The following ABCA13 variants were observed in gnomAD, a reference collection of about 807,000 sequenced individuals.
ABCA13 encodes ATP-binding cassette sub-family A member 13.
ABCA13 carries 476 observed loss-of-function variants against 478.7 expected under a neutral mutation model. That is an observed-to-expected ratio of 0.99 (90% CI 0.92 to 1.07). The LOEUF (loss-of-function observed/expected upper bound fraction) is 1.07. Ranked by LOEUF, ABCA13 falls within the 50% of genes least tolerant of loss-of-function variation. The pLI is 0.00. For synonymous variants in ABCA13, 2,252 were observed against 2,158.9 expected (o/e 1.04, Z -1.20); for missense variants, 6,060 against 5,910.6 (o/e 1.03, Z -0.83).
At position 48,276,503 on chromosome 7, in the gene ABCA13, T is replaced by C; in HGVS notation, c.6837T>C (p.Asp2279=). 2 of 1,611,118 alleles carry C rather than the reference T, an allele frequency of 1.2e-6. No homozygotes were observed. The highest frequency in any genetic ancestry group is 1.7e-6 in the Non-Finnish European group (2 of 1,179,178). ...KTFFSLFLKE[D]SENKISLLLK... ...TCTTCTCCCTTTTTCTAAAGGAAGA[T>C]TCTGAGAACAAAATATCTCTTCTGC... The change falls in exon 17 of 62, where the codon GAT becomes GAC. Residue 2279 remains aspartate, a synonymous_variant. Transcript: ENST00000435803.
intron 41 of ABCA13, among the ~76,000 whole-genome samples, chr7:48,423,430 A>AC (rs1356655125): frequency 2.0e-5 from 3 of 152,186 alleles, no homozygotes; most frequent in African/African-American, 7.2e-5. Flanking sequence ...CCTTGCACTG[A>AC]CCATCTCCAG....
Position 48,245,561 on chromosome 7 carries a change from A to G in ABCA13, c.1440A>G (p.Glu480=). The G allele has an allele frequency of 6.2e-7, 1 of 1,613,376 alleles. No homozygotes were observed. Among genetic ancestry groups the G allele is most frequent in the Non-Finnish European group, 8.5e-7 (1 of 1,179,708 alleles). The change falls in exon 12 of 62, where the codon GAA becomes GAG. Residue 480 remains glutamate, a synonymous_variant. Coordinates refer to ENST00000435803, the MANE Select transcript of ABCA13 (RefSeq NM_152701.5). ...ETSANDFKWF[E]LNQLKLEKDV... ...CAGCTAATGATTTTAAATGGTTTGAACTTAACCAATTGAAACTGGAAAAGG... is the reference window on the plus strand; with the variant it reads ...CAGCTAATGATTTTAAATGGTTTGAGCTTAACCAATTGAAACTGGAAAAGG...
At chr7:48,262,339 T>G (rs1794305775) in intron 15 of ABCA13, among the ~76,000 whole-genome samples, 1 of 151,850 alleles carries the variant, frequency 6.6e-6, no homozygotes, top group Non-Finnish European at 1.5e-5. Flanking sequence ...TCATTCTTGC[T>G]CAAAATTTTA....
chr7:48,577,796 A>G (rs1363389907), intron 55 of ABCA13, among the ~76,000 whole-genome samples: 2 of 152,176 alleles, frequency 1.3e-5, no homozygotes, highest in South Asian at 4.1e-4. Flanking sequence ...ATAGCCTAGT[A>G]TCTCTTATGA....
intron 3 of ABCA13, among the ~76,000 whole-genome samples, chr7:48,212,422 A>G (rs1397354069): frequency 6.6e-6 from 1 of 152,188 alleles, no homozygotes; most frequent in Admixed American, 6.5e-5. Flanking sequence ...TGTGTGGACA[A>G]ATATTTTAAT....
chr7:48,571,021 T>C (rs1400897833), intron 55 of ABCA13, among the ~76,000 whole-genome samples: 1 of 152,180 alleles, frequency 6.6e-6, no homozygotes, highest in African/African-American at 2.4e-5. Context: ...ACATCTTGAG[T>C]TAAAATTCTC....
Position 48,222,090 on chromosome 7 carries a change from A to G in ABCA13, c.468+781A>G, listed in dbSNP as rs575599756. Among the ~76,000 whole-genome samples the G allele has an allele frequency of 5.9e-5, 9 of 152,330 alleles. No individual in the cohort carries two copies. The South Asian group carries it at 1.9e-3, about 32-fold the overall frequency. ...CATAAAACCATTAGGAGAAAAGTAA[A>G]AGAATAGGGGCCAGCTAATGGATTG... On this transcript the variant is annotated intron_variant, in intron 5 of 61. Coordinates refer to ENST00000435803, the MANE Select transcript of ABCA13 (RefSeq NM_152701.5).
intron 17 of ABCA13, among the ~76,000 whole-genome samples, chr7:48,277,226 A>C (rs1323582214): frequency 6.6e-6 from 1 of 152,184 alleles, no homozygotes; most frequent in Non-Finnish European, 1.5e-5. Context: ...TCAGGAAGGG[A>C]GGCCCACAGT....
chr7:48,393,262 A>G (rs921876344), intron 38 of ABCA13, among the ~76,000 whole-genome samples: 1 of 152,230 alleles, frequency 6.6e-6, no homozygotes. Context: ...TTCAGCAAAC[A>G]GTGGTAGTTA....
intron 57 of ABCA13, among the ~76,000 whole-genome samples, chr7:48,591,544 G>A (rs1789746037): frequency 6.6e-6 from 1 of 151,956 alleles, no homozygotes; most frequent in Admixed American, 6.6e-5. Flanking sequence ...GAATAGCACT[G>A]AGTCTGTAGA....
intron 2 of ABCA13, among the ~76,000 whole-genome samples, chr7:48,197,351 C>T (rs1032720794): frequency 3.3e-5 from 5 of 152,086 alleles, no homozygotes; most frequent in Non-Finnish European, 7.4e-5. Flanking sequence ...AATACTGGGG[C>T]GCTGGACAGG....
intron 20 of ABCA13, among the ~76,000 whole-genome samples, chr7:48,294,149 T>C (rs1028040426): frequency 2.0e-5 from 3 of 152,130 alleles, no homozygotes; most frequent in Non-Finnish European, 2.9e-5. Context: ...TTGATAAACA[T>C]ACAAAGTGAA....
intron 41 of ABCA13, among the ~76,000 whole-genome samples, chr7:48,426,996 T>G (rs1378790392): frequency 1.3e-5 from 2 of 152,200 alleles, no homozygotes; most frequent in East Asian, 3.9e-4. Flanking sequence ...ACTGTGCTGC[T>G]GCAGGGCGAT....
At chr7:48,193,533 A>G (rs1405626632) in intron 2 of ABCA13, among the ~76,000 whole-genome samples, 2 of 150,838 alleles carry the variant, frequency 1.3e-5, no homozygotes, top group Non-Finnish European at 3.0e-5. Context: ...TGATAGTTAT[A>G]ATGGTGCAAG....
intron 55 of ABCA13, among the ~76,000 whole-genome samples, chr7:48,562,885 T>C (rs1026926779): frequency 1.3e-5 from 2 of 152,084 alleles, no homozygotes; most frequent in Admixed American, 6.6e-5. Flanking sequence ...TCTGTAATGA[T>C]ACTAATATGT....
intron 55 of ABCA13, among the ~76,000 whole-genome samples, chr7:48,576,039 T>C (rs1026970334): frequency 3.9e-5 from 6 of 152,208 alleles, no homozygotes; most frequent in African/African-American, 1.4e-4. Context: ...CCACCGTTTA[T>C]ATAGCATTTA....
intron 8 of ABCA13, among the ~76,000 whole-genome samples, chr7:48,235,455 T>G (rs567919949): frequency 3.2e-4 from 48 of 152,358 alleles, no homozygotes; most frequent in South Asian, 1.2e-3. Context: ...AAAATACCAC[T>G]GTGTATATCA....
Position 48,619,778 on chromosome 7 carries a change from G to T in ABCA13, c.14837+4401G>T, listed in dbSNP as rs114797243. On this transcript the variant is annotated intron_variant, in intron 59 of 61. Transcript: ENST00000435803. Reference sequence around the variant, plus strand: ...TGTTGGTAAAGGGCGATTTCCTGGGGTCACTTATGAATGGAAGTGTGGTCT... The same window carrying T: ...TGTTGGTAAAGGGCGATTTCCTGGGTTCACTTATGAATGGAAGTGTGGTCT... Among the ~76,000 whole-genome samples, 1,072 of 152,264 alleles carry T rather than the reference G, an allele frequency of 7.0e-3. 12 individuals are homozygous for T. The highest frequency in any genetic ancestry group is 0.024 in the African/African-American group (991 of 41,558).
chr7:48,182,540 T>C (rs1484765550), intron 1 of ABCA13, among the ~76,000 whole-genome samples: 1 of 152,190 alleles, frequency 6.6e-6, no homozygotes, highest in Non-Finnish European at 1.5e-5. Context: ...CATTCATCTT[T>C]ATAATGCCAA....
Sources: allele counts gnomAD v4.1 joint callset (sites outside exome capture counted in the v4.1 genomes callset), GRCh38; gene constraint gnomAD v4.1.1; transcripts MANE v1.5; gene names NCBI Gene and HGNC (gene_info 2026-07-23, HGNC 2026-07-21).